Variants in SPG21 observed in about 807,000 individuals in gnomAD.
The protein encoded by SPG21 is SPG21 abhydrolase domain containing, maspardin, also known as maspardin.
Under a neutral mutation model 38.9 loss-of-function variants are expected in SPG21, and 26 were observed. The observed-to-expected ratio is 0.67, with a 90% CI of 0.49 to 0.93. The LOEUF (loss-of-function observed/expected upper bound fraction) is 0.93. Ranked by LOEUF, SPG21 falls within the 40% of genes least tolerant of loss-of-function variation. SPG21 has a pLI of 0.00. For missense variants in SPG21, 333 were observed against 376.5 expected (o/e 0.88, Z 0.96); for synonymous variants, 136 against 128.9 (o/e 1.05, Z -0.37).
At chr15:64,975,844 A>G (rs2085762549) in intron 4 of SPG21, among the ~76,000 whole-genome samples, 1 of 152,204 alleles carries the variant, frequency 6.6e-6, no homozygotes, top group African/African-American at 2.4e-5. Context: ...TGCTAAATAA[A>G]AAAAGCCAGT....
intron 1 of SPG21, chr15:64,988,597 T>C (rs557581339): frequency 6.6e-6 from 1 of 152,246 alleles, no homozygotes; most frequent in Admixed American, 6.5e-5. Flanking sequence ...CTCTAAACCT[T>C]ACAGGAGGAA....
chr15:64,964,753 C>T (rs1346407636), intron 8 of SPG21, among the ~76,000 whole-genome samples: 1 of 152,076 alleles, frequency 6.6e-6, no homozygotes, highest in Non-Finnish European at 1.5e-5. Context: ...GCCTCAGCCT[C>T]CCGAGTAGCT....
At chr15:64,971,059 A>C (rs2085650000) in intron 5 of SPG21, among the ~76,000 whole-genome samples, 1 of 152,038 alleles carries the variant, frequency 6.6e-6, no homozygotes, top group South Asian at 2.1e-4. Flanking sequence ...TTAATTAAAA[A>C]ATTTAAAAAA....
rs1371133227 is a variant in SPG21, at chr15:64,989,755, G to C, written c.-115C>G. 6.6e-6 allele frequency: 1 copy of C among 152,110 alleles called. No individual in the cohort carries two copies. The highest frequency in any genetic ancestry group is 2.4e-5 in the African/African-American group (1 of 41,154). 9.4% of individuals were successfully genotyped at this position (152,110 alleles called of 1,614,324 possible). On this transcript the variant is annotated 5_prime_UTR_variant, in exon 1 of 9. Coordinates refer to ENST00000204566, the MANE Select transcript of SPG21 (RefSeq NM_016630.7). ...GCGGGCCGTGGAGGCGGCTGGGCCC[G>C]GGTCGGGGCGGGCGGCGGAGCACTC...
In SPG21 at chr15:64,976,556, C is replaced by T. The variant is rs1386151123; in HGVS notation, c.226-1G>A. 1.6e-5 allele frequency: 25 copies of T among 1,604,970 alleles called. No individual in the cohort carries two copies. The highest frequency in any genetic ancestry group is 2.7e-5 in the African/African-American group (2 of 74,742). The stretch of plus-strand genomic sequence containing the variant: ...GGTCCCAATAAACTGGATACTGCAA[C>T]TGAAATAATAACGATAATTTTATTT... On this transcript the variant is annotated splice_acceptor_variant, in intron 3 of 8. Transcript: ENST00000204566. LOFTEE classifies it high-confidence loss of function.
intron 7 of SPG21, among the ~76,000 whole-genome samples, chr15:64,966,282 C>T (rs1213518486): frequency 6.6e-6 from 1 of 152,140 alleles, no homozygotes; most frequent in African/African-American, 2.4e-5. Context: ...AATACCCATA[C>T]ACATTTACGT....
At chr15:64,977,124 G>A (rs999219104) in intron 3 of SPG21, among the ~76,000 whole-genome samples, 6 of 151,876 alleles carry the variant, frequency 4.0e-5, no homozygotes, top group Admixed American at 6.6e-5. Flanking sequence ...GGAGTGCAGC[G>A]GCGCGATCTC....
In SPG21 at chr15:64,980,314, T is replaced by C. The variant is rs529733798; in HGVS notation, c.225+550A>G. ...GTCAGGAGAGAATGCACGTAAATGC[T>C]GGGCATGGAGAGGCTGCCAAAAGAG... On this transcript the variant is annotated intron_variant, in intron 3 of 8. Coordinates refer to ENST00000204566, the MANE Select transcript of SPG21 (RefSeq NM_016630.7). 1.4e-4 allele frequency among the ~76,000 whole-genome samples: 22 copies of C among 152,286 alleles called. 1 individual carries two copies. The South Asian group carries it at 4.6e-3, about 32-fold the overall frequency.
At chr15:64,966,008 G>A (rs1030027473) in intron 7 of SPG21, among the ~76,000 whole-genome samples, 15 of 151,848 alleles carry the variant, frequency 9.9e-5, no homozygotes, top group East Asian at 3.9e-4. Flanking sequence ...GGCTGGGGTC[G>A]GGGGAAATTC....
At chr15:64,973,434 T>C (rs2085710864) in intron 5 of SPG21, among the ~76,000 whole-genome samples, 1 of 152,068 alleles carries the variant, frequency 6.6e-6, no homozygotes, top group South Asian at 2.1e-4. Flanking sequence ...ACCCAAAGCA[T>C]TTCCACCATT....
At position 64,969,437 on chromosome 15, in the gene SPG21, T is replaced by C. The variant is rs937690766; in HGVS notation, c.562-75A>G. On this transcript the variant is annotated intron_variant, in intron 6 of 8. Coordinates refer to ENST00000204566, the MANE Select transcript of SPG21 (RefSeq NM_016630.7). ...ATTTACATTAAATCCACAGACAACATTTGTGCTTATAAAGGTGGTATCATC... is the reference window on the plus strand; with the variant it reads ...ATTTACATTAAATCCACAGACAACACTTGTGCTTATAAAGGTGGTATCATC... 8.3e-6 allele frequency: 9 copies of C among 1,079,654 alleles called. No homozygotes were observed. The East Asian group carries it at 1.2e-4, about 14-fold the overall frequency. The allele number at this position is 1,079,654 out of a possible 1,614,324, so 66.9% of individuals were successfully genotyped here.
intron 7 of SPG21, among the ~76,000 whole-genome samples, chr15:64,967,216 A>C (rs546781664): frequency 6.6e-6 from 1 of 152,230 alleles, no homozygotes; most frequent in African/African-American, 2.4e-5. Flanking sequence ...AAAGTAGGAT[A>C]CATCTACTAT....
rs548028165 is a variant in SPG21, at chr15:64,983,460, AC to A, written c.63+46del. ...CATGACATCTAAATCACACACAAAA[AC>A]AATACAAGATTTTGCAAATAAGAGG... is the stretch of plus-strand genomic sequence containing the variant. On this transcript the variant is annotated intron_variant, in intron 2 of 8. Coordinates refer to ENST00000204566, the MANE Select transcript of SPG21 (RefSeq NM_016630.7). The A allele has an allele frequency of 1.3e-3, 1,680 of 1,317,720 alleles. 9 individuals carry two copies. The Middle Eastern group carries it at 0.019, about 15-fold the overall frequency. The allele number at this position is 1,317,720 out of a possible 1,614,324, so 81.6% of individuals were successfully genotyped here.
chr15:64,985,731 A>T (rs2085979528), intron 1 of SPG21, among the ~76,000 whole-genome samples: 1 of 152,180 alleles, frequency 6.6e-6, no homozygotes, highest in Non-Finnish European at 1.5e-5. Context: ...AGGGGATTCT[A>T]AACTCAATGG....
chr15:64,974,632 GA>G lies in SPG21; in HGVS notation c.421del (p.Ser141LeufsTer14). 1 of 1,614,208 alleles carries G rather than the reference GA, an allele frequency of 6.2e-7. No individual in the cohort carries two copies. The highest frequency in any genetic ancestry group is 1.1e-5 in the South Asian group (1 of 91,090). On this transcript the variant is annotated frameshift_variant, in exon 5 of 9. Transcript: ENST00000204566. LOFTEE classifies it high-confidence loss of function. ...TGCAGTCCAAGTTTGGTTGAAGATA[GA>G]GGTGTCACTGAAGGAATTGCAGAGG... ...LILCNSFSDT[S>X]IFNQTWTANS... is the part of the protein sequence containing the mutation.
intron 1 of SPG21, chr15:64,987,460 G>C (rs1280017355): frequency 1.3e-5 from 2 of 152,190 alleles, no homozygotes; most frequent in African/African-American, 4.8e-5. Flanking sequence ...CACCAAAGGG[G>C]TATACTTTTC....
Position 64,963,738 on chromosome 15 carries a change from T to C in SPG21, c.811-2A>G. 6.2e-7 allele frequency: 1 copy of C among 1,611,678 alleles called. No individual in the cohort carries two copies. Among genetic ancestry groups the C allele is most frequent in the South Asian group, 1.1e-5 (1 of 91,016 alleles). On this transcript the variant is annotated splice_acceptor_variant, in intron 8 of 8. Coordinates refer to ENST00000204566, the MANE Select transcript of SPG21 (RefSeq NM_016630.7). LOFTEE classifies it high-confidence loss of function. ...TCCATGGAATTGCAGCAAATGTATCTGTTGAAATGCAGAATCATTATTTTA... is the reference window on the plus strand; with the variant it reads ...TCCATGGAATTGCAGCAAATGTATCCGTTGAAATGCAGAATCATTATTTTA...
intron 6 of SPG21, 78 bp downstream of exon 6, chr15:64,970,036 C>T (rs1266570830): frequency 8.7e-7 from 1 of 1,148,742 alleles, no homozygotes; most frequent in African/African-American, 1.5e-5. Flanking sequence ...ACTTGTGAGA[C>T]AGATCTATCT....
At chr15:64,982,989 G>A (rs2085911014) in intron 2 of SPG21, 1 of 162,552 alleles carries the variant, frequency 6.2e-6, no homozygotes, top group Non-Finnish European at 1.4e-5. Flanking sequence ...TGGGTGCGGT[G>A]GCTCACGCCT....
Sources: gnomAD v4.1 joint callset for allele counts (sites outside exome capture counted in the v4.1 genomes callset) on GRCh38, gnomAD v4.1.1 for gene constraint, MANE v1.5 for transcripts, NCBI Gene and HGNC (gene_info 2026-07-23, HGNC 2026-07-21) for gene names.